Variants in LRRK2 observed in about 807,000 individuals in gnomAD.
LRRK2 encodes leucine-rich repeat serine/threonine-protein kinase 2.
In LRRK2, 203 loss-of-function variants were observed where a neutral mutation model predicts 302.6. The observed-to-expected ratio is 0.67, with a 90% confidence interval of 0.60 to 0.75. The LOEUF is 0.75. LRRK2 is among the 30% of genes least tolerant of loss of function. The pLI is 0.00. For missense variants in LRRK2, 2,830 were observed against 2,951.0 expected, an observed-to-expected ratio of 0.96 and a Z score of 0.95; for synonymous variants, 1,066 against 1,031.9, an observed-to-expected ratio of 1.03 and a Z score of -0.63.
intron 6 of LRRK2, among the ~76,000 whole-genome samples, chr12:40,242,142 A>G (rs1941752214): frequency 6.6e-6 from 1 of 152,196 alleles, no homozygotes; most frequent in Non-Finnish European, 1.5e-5. Flanking sequence ...AAAAGTTTTT[A>G]AAACACTGAT....
chr12:40,323,798 CTTTTT>C (rs76080191), intron 38 of LRRK2, among the ~76,000 whole-genome samples: 1 of 145,976 alleles, frequency 6.9e-6, no homozygotes. Flanking sequence ...TACTCAAATA[CTTTTT>C]TTTTTTTTTT....
chr12:40,348,437 A>G lies in LRRK2; in HGVS notation c.6309A>G (p.Pro2103=). ...PDPVKEYGCA[P]WPMVEKLIKQ... is the part of the protein sequence containing the mutation. ...CAGTTAAAGAATATGGTTGTGCCCC[A>G]TGGCCTATGGTTGAGAAATTAATTA... is the stretch of plus-strand genomic sequence containing the variant. Residue 2103 remains proline (P), a synonymous_variant, in exon 43 of 51, where the codon CCA becomes CCG. Coordinates refer to ENST00000298910, the MANE Select transcript of LRRK2 (RefSeq NM_198578.4). 4 of 1,612,416 alleles carry G rather than the reference A, an allele frequency of 2.5e-6. No homozygotes were observed. Among genetic ancestry groups the G allele is most frequent in the African/African-American group, 2.7e-5 (2 of 75,038 alleles).
intron 14 of LRRK2, among the ~76,000 whole-genome samples, chr12:40,270,303 A>G (rs1367760147): frequency 6.6e-6 from 1 of 152,088 alleles, no homozygotes; most frequent in African/African-American, 2.4e-5. Context: ...GGTAGATAAT[A>G]TTTATATTCA....
chr12:40,345,013 G>A (rs1249318019), intron 41 of LRRK2, among the ~76,000 whole-genome samples: 3 of 152,092 alleles, frequency 2.0e-5, no homozygotes, highest in African/African-American at 4.8e-5. Flanking sequence ...TTTCCAGCAT[G>A]GTGAGGACTG....
intron 49 of LRRK2, chr12:40,365,382 T>C (rs1946844977): frequency 4.4e-6 from 1 of 229,266 alleles, no homozygotes; most frequent in South Asian, 7.2e-5. Flanking sequence ...ATAAAGAAAA[T>C]GTTTGTTTTA....
chr12:40,330,440 A>T (rs553702550), intron 39 of LRRK2, among the ~76,000 whole-genome samples: 2 of 152,228 alleles, frequency 1.3e-5, no homozygotes, highest in East Asian at 3.9e-4. Context: ...TCATTTTGAA[A>T]ACTGAAAATT....
chr12:40,317,252 T>G (rs34567498), intron 33 of LRRK2, among the ~76,000 whole-genome samples: 2,277 of 152,160 alleles, frequency 0.015, 142 homozygotes, highest in Admixed American at 0.099. Flanking sequence ...GTCAATAAAA[T>G]GATAATTTAA....
At chr12:40,252,755 A>T (rs916846366) in intron 10 of LRRK2, among the ~76,000 whole-genome samples, 155 bp from the exon 11 acceptor site, 1 of 152,214 alleles carries the variant, frequency 6.6e-6, no homozygotes, top group African/African-American at 2.4e-5. Flanking sequence ...CGAGTCTTAA[A>T]AAATGAACTA....
At chr12:40,268,493 A>G (rs1359798102) in intron 14 of LRRK2, among the ~76,000 whole-genome samples, 2 of 152,210 alleles carry the variant, frequency 1.3e-5, no homozygotes, top group Non-Finnish European at 2.9e-5. Flanking sequence ...ACAGAAAACT[A>G]TGAAGCTTAG....
At chr12:40,338,212 C>T (rs1021149835) in intron 40 of LRRK2, among the ~76,000 whole-genome samples, 3 of 152,148 alleles carry the variant, frequency 2.0e-5, no homozygotes, top group East Asian at 1.9e-4. Flanking sequence ...CTTGATTAAA[C>T]ACCTGTTTGA....
chr12:40,262,643 A>G (rs1005894166), intron 13 of LRRK2, among the ~76,000 whole-genome samples: 1 of 152,214 alleles, frequency 6.6e-6, no homozygotes, highest in African/African-American at 2.4e-5. Context: ...TTTGAATAGT[A>G]GGACCTCAAG....
intron 45 of LRRK2, among the ~76,000 whole-genome samples, chr12:40,355,563 A>C: frequency 2.2e-5 from 1 of 44,968 alleles, no homozygotes; most frequent in Non-Finnish European, 4.0e-5. Flanking sequence ...TTTTTTTTTG[A>C]AGGAGTTTTG....
At chr12:40,334,142 C>T (rs1945799027) in intron 39 of LRRK2, among the ~76,000 whole-genome samples, 1 of 152,130 alleles carries the variant, frequency 6.6e-6, no homozygotes, top group African/African-American at 2.4e-5. Context: ...ACCTCATATG[C>T]CAGTTGCAGC....
At position 40,364,830 on chromosome 12, in the gene LRRK2, T is replaced by C. The variant is rs1481749430; in HGVS notation, c.7182-12T>C. The C allele has an allele frequency of 1.9e-6, 3 of 1,584,158 alleles. No homozygotes were observed. In the Admixed American group the frequency reaches 5.0e-5, roughly 27 times the overall value. On this transcript the variant is annotated splice_polypyrimidine_tract_variant and intron_variant, in intron 48 of 50. Transcript: ENST00000298910. Reference sequence around the variant, plus strand: ...GGTGGTAAAATTATTAATGTATACTTTATGGTTCTAGGGAGGTAATGGTAA... The same window carrying C: ...GGTGGTAAAATTATTAATGTATACTCTATGGTTCTAGGGAGGTAATGGTAA...
Position 40,367,776 on chromosome 12 carries a change from G to A in LRRK2, c.*11G>A, listed in dbSNP as rs1289179170. ...ACATCTGTTGAGTAAGAGAGAAATAGGAATTGTCTTTGGATAGGAAAATTA... is the reference window on the plus strand; with the variant it reads ...ACATCTGTTGAGTAAGAGAGAAATAAGAATTGTCTTTGGATAGGAAAATTA... On this transcript the variant is annotated 3_prime_UTR_variant, in exon 51 of 51. Transcript: ENST00000298910. 3.1e-6 allele frequency: 5 copies of A among 1,601,546 alleles called. No homozygotes were observed. The highest frequency in any genetic ancestry group is 1.1e-5 in the South Asian group (1 of 89,574).
At chr12:40,366,597 T>C (rs963203848) in intron 49 of LRRK2, 12 of 164,422 alleles carry the variant, frequency 7.3e-5, no homozygotes, top group Non-Finnish European at 9.2e-5. Flanking sequence ...TGACATAGTA[T>C]CAGTATATCC....
At chr12:40,266,267 A>C (rs1943008656) in intron 14 of LRRK2, among the ~76,000 whole-genome samples, 1 of 152,094 alleles carries the variant, frequency 6.6e-6, no homozygotes, top group South Asian at 2.1e-4. Context: ...ACAAAGGGCT[A>C]ATATCTAGAA....
chr12:40,347,815 T>G (rs12311273), intron 42 of LRRK2, among the ~76,000 whole-genome samples: 1 of 151,794 alleles, frequency 6.6e-6, no homozygotes, highest in African/African-American at 2.4e-5. Context: ...ATACAAAAAG[T>G]AGCTGGGCAT....
chr12:40,340,382 G>A lies in LRRK2; in HGVS notation c.6037G>A (p.Ala2013Thr). The change falls in exon 41 of 51, where the codon GCA becomes ACA. Residue 2013 changes from alanine to threonine, a missense_variant. Ala to Thr is a moderately conservative substitution (Grantham distance 58). Transcript: ENST00000298910. ...FTLYPNAAII[A>T]KIADYGIAQY... Reference sequence around the variant, plus strand: ...ACTGTATCCCAATGCTGCCATCATTGCAAAGATTGCTGACTACGGCATTGC... The same window carrying A: ...ACTGTATCCCAATGCTGCCATCATTACAAAGATTGCTGACTACGGCATTGC... 1 of 1,613,848 alleles carries A rather than the reference G, an allele frequency of 6.2e-7. No homozygotes were observed.
Sources: allele counts gnomAD v4.1 joint callset (sites outside exome capture counted in the v4.1 genomes callset), GRCh38; gene constraint gnomAD v4.1.1; transcripts MANE v1.5; gene names NCBI Gene and HGNC (gene_info 2026-07-23, HGNC 2026-07-21).